The following CFLAR variants were observed in gnomAD, a reference collection of about 807,000 sequenced individuals.
CFLAR encodes CASP8 and FADD-like apoptosis regulator.
A neutral mutation model predicts 51.1 loss-of-function variants in CFLAR; 14 were observed. The ratio of observed to expected loss-of-function variants is 0.27; its 90% CI spans 0.18 to 0.43. CFLAR has a LOEUF of 0.43. Among genes scored for constraint, CFLAR ranks in the 20% least tolerant of loss-of-function variants. CFLAR has a pLI of 1.00. For synonymous variants in CFLAR, 210 were observed against 211.6 expected, an observed-to-expected ratio of 0.99 and a Z score of 0.06; for missense variants, 390 against 566.5, an observed-to-expected ratio of 0.69 and a Z score of 3.16.
chr2:201,119,051 TCA>T (rs1399206928), intron 1 of CFLAR: 1 of 152,250 alleles, frequency 6.6e-6, no homozygotes, highest in Non-Finnish European at 1.5e-5. Context: ...TCCAGAGGAC[TCA>T]CAACACTCCG....
In CFLAR at chr2:201,173,418, A is replaced by G. The variant is rs1944112209; in HGVS notation, c.*9445A>G. 6.6e-6 allele frequency: 1 copy of G among 152,322 alleles called. No individual in the cohort carries two copies. Among genetic ancestry groups the G allele is most frequent in the South Asian group, 2.1e-4 (1 of 4,834 alleles). 9.4% of individuals were successfully genotyped at this position (152,322 alleles called of 1,614,324 possible). A position where few individuals can be genotyped will look rare whatever the true frequency, so the allele number is the denominator to read the frequency against. ...GAGACAGGGTTTCACCGTGTTAGCC[A>G]GGATGGTCTCTATCTCCTGACCTCG... is the stretch of plus-strand genomic sequence containing the variant. On this transcript the variant is annotated 3_prime_UTR_variant, in exon 10 of 10. Transcript: ENST00000309955.
intron 2 of CFLAR, among the ~76,000 whole-genome samples, chr2:201,130,748 A>G (rs1436907438): frequency 6.6e-6 from 1 of 152,184 alleles, no homozygotes; most frequent in Non-Finnish European, 1.5e-5. Flanking sequence ...ATAGAATGAC[A>G]AGACGTGAAG....
intron 4 of CFLAR, chr2:201,137,183 G>C: frequency 9.8e-6 from 2 of 204,610 alleles, no homozygotes; most frequent in Non-Finnish European, 2.0e-5. Context: ...TATAGGAGAA[G>C]CCAGGAGGGG....
At position 201,133,169 on chromosome 2, in the gene CFLAR, G is replaced by A. The variant is rs765636396; in HGVS notation, c.387+35G>A. 25 of 1,538,076 alleles carry A rather than the reference G, an allele frequency of 1.6e-5. No individual in the cohort carries two copies. The East Asian group carries it at 5.7e-4, about 35-fold the overall frequency. On this transcript the variant is annotated intron_variant, in intron 3 of 9. Transcript: ENST00000309955. ...CTTCTTTTGGTTCATGGCCCCAGGA[G>A]CCTATCAGAAGTGGGAGCTACTCTT...
chr2:201,154,507 T>C (rs1186726100), intron 8 of CFLAR: 4 of 152,256 alleles, frequency 2.6e-5, no homozygotes, highest in African/African-American at 9.6e-5. Flanking sequence ...TTAACTACTT[T>C]GCCTCAATAT....
rs1248544864 is a variant in CFLAR at position 201,165,259 on chromosome 2, A to C, written c.*1286A>C. ...AGAGTTGCTTATTATTATTATTATT[A>C]TTATTATTATTATTATTATTATTAT... is the stretch of plus-strand genomic sequence containing the variant. On this transcript the variant is annotated 3_prime_UTR_variant, in exon 10 of 10. Transcript: ENST00000309955. 7.3e-4 allele frequency: 107 copies of C among 146,126 alleles called. No individual in the cohort carries two copies. Among genetic ancestry groups the C allele is most frequent in the African/African-American group, 2.6e-3 (105 of 40,240 alleles). 9.1% of individuals were successfully genotyped at this position (146,126 alleles called of 1,614,324 possible).
chr2:201,132,338 G>A (rs1284543450), intron 2 of CFLAR, among the ~76,000 whole-genome samples: 1 of 151,870 alleles, frequency 6.6e-6, no homozygotes, highest in Non-Finnish European at 1.5e-5. Context: ...TGATGACAAT[G>A]TCATGGTAAC....
intron 7 of CFLAR, 157 bp from the exon 8 acceptor site, chr2:201,149,597 A>G: frequency 1.8e-6 from 1 of 553,520 alleles, no homozygotes; most frequent in Non-Finnish European, 3.2e-6. Flanking sequence ...ATTTGATATT[A>G]ATGGGAAACA....
intron 4 of CFLAR, chr2:201,137,990 A>C (rs1238448523): frequency 1.3e-6 from 1 of 744,414 alleles, no homozygotes; most frequent in African/African-American, 1.7e-5. Context: ...TGGGCACACC[A>C]AAGTTCTGGG....
intron 5 of CFLAR, among the ~76,000 whole-genome samples, chr2:201,145,148 C>T (rs1208624555): frequency 6.6e-6 from 1 of 152,182 alleles, no homozygotes; most frequent in South Asian, 2.1e-4. Context: ...CCATCGCTCC[C>T]GGCCTATTTT....
At chr2:201,143,479 AG>A (rs1350134177) in intron 5 of CFLAR, 4 of 152,140 alleles carry the variant, frequency 2.6e-5, no homozygotes, top group African/African-American at 7.2e-5. Flanking sequence ...TCTCAAAAAA[AG>A]AAAAAAAAAA....
rs1439191113 is a variant in CFLAR at position 201,168,468 on chromosome 2, A to G, written c.*4495A>G. 6.6e-6 allele frequency: 1 copy of G among 152,154 alleles called. No individual in the cohort carries two copies. The highest frequency in any genetic ancestry group is 1.5e-5 in the Non-Finnish European group (1 of 68,026). The allele number at this position is 152,154 out of a possible 1,614,324, so 9.4% of individuals were successfully genotyped here. ...TCTCAATAAACTAGGTATTGATGGAAAATATCTCAAAATAATAACCATTTA... is the reference window on the plus strand; with the variant it reads ...TCTCAATAAACTAGGTATTGATGGAGAATATCTCAAAATAATAACCATTTA... On this transcript the variant is annotated 3_prime_UTR_variant, in exon 10 of 10. Coordinates refer to ENST00000309955, the MANE Select transcript of CFLAR (RefSeq NM_003879.7).
At chr2:201,125,807 T>C (rs1418817248) in intron 1 of CFLAR, among the ~76,000 whole-genome samples, 1 of 152,042 alleles carries the variant, frequency 6.6e-6, no homozygotes, top group Non-Finnish European at 1.5e-5. Context: ...AGTTTTCAGA[T>C]TGTGTTATCT....
rs182728946 is a variant in CFLAR, at chr2:201,176,436, C to G, written c.*12463C>G. ...GAGCCCTCTCCTGCCTTGCTCAGAC[C>G]TGAATGTACCCATTGTAACAAACCC... On this transcript the variant is annotated 3_prime_UTR_variant, in exon 10 of 10. Coordinates refer to ENST00000309955, the MANE Select transcript of CFLAR (RefSeq NM_003879.7). 6.6e-6 allele frequency: 1 copy of G among 152,132 alleles called. No homozygotes were observed. Among genetic ancestry groups the G allele is most frequent in the East Asian group, 1.9e-4 (1 of 5,190 alleles). The allele number at this position is 152,132 out of a possible 1,614,324, so 9.4% of individuals were successfully genotyped here.
intron 8 of CFLAR, among the ~76,000 whole-genome samples, chr2:201,156,485 C>A (rs1942203225): frequency 6.6e-6 from 1 of 152,138 alleles, no homozygotes; most frequent in African/African-American, 2.4e-5. Context: ...TTCCCTCATT[C>A]TTGTTTATTT....
rs556697165 is a variant in CFLAR, at chr2:201,145,496, G to A, written c.661+64G>A. 141 of 1,059,518 alleles carry A rather than the reference G, an allele frequency of 1.3e-4. No homozygotes were observed. The East Asian group carries it at 1.5e-3, about 11-fold the overall frequency. The allele number at this position is 1,059,518 out of a possible 1,614,324, so 65.6% of individuals were successfully genotyped here. A position where few individuals can be genotyped will look rare whatever the true frequency, so the allele number is the denominator to read the frequency against. On this transcript the variant is annotated intron_variant, in intron 6 of 9. Coordinates refer to ENST00000309955, the MANE Select transcript of CFLAR (RefSeq NM_003879.7). ...GCTTGATAATTCTAGTACAAATATTGCATTTTTAGAGTTGGTCATTTCCTT... is the reference window on the plus strand; with the variant it reads ...GCTTGATAATTCTAGTACAAATATTACATTTTTAGAGTTGGTCATTTCCTT...
At position 201,138,044 on chromosome 2, in the gene CFLAR, G is replaced by A; in HGVS notation, c.523+1937G>A. 1 of 723,410 alleles carries A rather than the reference G, an allele frequency of 1.4e-6. No homozygotes were observed. The highest frequency in any genetic ancestry group is 1.9e-5 in the Admixed American group (1 of 52,934). The allele number at this position is 723,410 out of a possible 1,614,324, so 44.8% of individuals were successfully genotyped here. A position where few individuals can be genotyped will look rare whatever the true frequency, so the allele number is the denominator to read the frequency against. The stretch of plus-strand genomic sequence containing the variant: ...ACACAGCAGTGCCCTGGGGCTGACT[G>A]CAGGCTATCACTTCCTGGTTGATGT... On this transcript the variant is annotated intron_variant, in intron 4 of 9. Coordinates refer to ENST00000309955, the MANE Select transcript of CFLAR (RefSeq NM_003879.7). This position sits in a 1 kb window ranked among gnomAD's most constrained non-coding sequence, Gnocchi z 4.0.
intron 9 of CFLAR, among the ~76,000 whole-genome samples, chr2:201,161,703 C>A (rs1943028588): frequency 6.6e-6 from 1 of 150,672 alleles, no homozygotes; most frequent in African/African-American, 2.4e-5. Context: ...GCGTGAGCCA[C>A]TGCGCCTGGC....
At chr2:201,152,449 G>C (rs542209811) in intron 8 of CFLAR, among the ~76,000 whole-genome samples, 1 of 152,300 alleles carries the variant, frequency 6.6e-6, no homozygotes, top group South Asian at 2.1e-4. Flanking sequence ...TACTTGGAAA[G>C]GGCTTAGAAT....
Sources: allele counts gnomAD v4.1 joint callset (sites outside exome capture counted in the v4.1 genomes callset), GRCh38; gene constraint gnomAD v4.1.1; non-coding constraint Gnocchi (gnomAD v3.1); transcripts MANE v1.5; gene names NCBI Gene and HGNC (gene_info 2026-07-23, HGNC 2026-07-21).